Variants in TNRC6C observed in about 807,000 individuals in gnomAD.
TNRC6C encodes the protein trinucleotide repeat containing adaptor 6C.
Under a neutral mutation model 153.7 loss-of-function variants are expected in TNRC6C, and 20 were observed. The ratio of observed to expected loss-of-function variants is 0.13; its 90% CI spans 0.09 to 0.19. The LOEUF is 0.19. TNRC6C is among the 10% of genes least tolerant of loss of function. TNRC6C has a pLI of 1.00. For synonymous variants in TNRC6C, 811 were observed against 841.4 expected, an observed-to-expected ratio of 0.96 and a Z score of 0.63; for missense variants, 1,987 against 2,172.0, an observed-to-expected ratio of 0.91 and a Z score of 1.69.
chr17:78,079,530 C>T lies in TNRC6C; in HGVS notation c.3346C>T (p.Leu1116=). 6.2e-7 allele frequency: 1 copy of T among 1,613,884 alleles called. No individual in the cohort carries two copies. Among genetic ancestry groups the T allele is most frequent in the Non-Finnish European group, 8.5e-7 (1 of 1,179,874 alleles). The stretch of plus-strand genomic sequence containing the variant: ...TCTCCGTGCTCAAGTGCCTCAGTTT[C>T]TATCCCCTCAGGTCAGACCCACATC... The change falls in exon 10 of 20, where the codon CTA becomes TTA. Residue 1116 remains leucine, a synonymous_variant. Coordinates refer to ENST00000301624, the Ensembl canonical transcript of TNRC6C. This position sits in a 1 kb window ranked among gnomAD's most constrained non-coding sequence, Gnocchi z 4.3.
intron 13 of TNRC6C, 138 bp from the exon 16 acceptor site, chr17:78,091,302 G>A: frequency 1.0e-6 from 1 of 977,374 alleles, no homozygotes; most frequent in East Asian, 3.3e-5. Context: ...CTCCAGCCTG[G>A]GCATCAAGAG....
chr17:78,017,506 G>C (rs1177006263), intron 1 of TNRC6C, among the ~76,000 whole-genome samples: 1 of 152,230 alleles, frequency 6.6e-6, no homozygotes, highest in African/African-American at 2.4e-5. Flanking sequence ...TGAAGTGCTT[G>C]TTGAGCTTAG....
intron 3 of TNRC6C, among the ~76,000 whole-genome samples, chr17:78,057,566 G>T (rs1170437355): frequency 2.0e-5 from 3 of 152,212 alleles, no homozygotes; most frequent in Non-Finnish European, 2.9e-5. Context: ...GGGCCGTGCT[G>T]CCCACTGGCT....
intron 1 of TNRC6C, among the ~76,000 whole-genome samples, chr17:77,981,703 G>A (rs555998980): frequency 5.9e-5 from 9 of 152,274 alleles, no homozygotes; most frequent in African/African-American, 1.9e-4. Context: ...ACTTCAACCT[G>A]TGGGTCAAAT....
chr17:77,990,602 C>T (rs2071235831), intron 1 of TNRC6C, among the ~76,000 whole-genome samples: 1 of 152,182 alleles, frequency 6.6e-6, no homozygotes, highest in African/African-American at 2.4e-5. Context: ...CCTGACCAGC[C>T]AGAATCCTTC....
chr17:78,056,189 A>G (rs945374407), intron 3 of TNRC6C, among the ~76,000 whole-genome samples: 2 of 143,974 alleles, frequency 1.4e-5, no homozygotes, highest in African/African-American at 5.2e-5. Context: ...GCAGAGTCTT[A>G]CTCTGTTGCC....
chr17:78,070,685 T>C (rs1411527014), intron 5 of TNRC6C, among the ~76,000 whole-genome samples: 1 of 152,212 alleles, frequency 6.6e-6, no homozygotes, highest in African/African-American at 2.4e-5. Context: ...CCCCTCATTT[T>C]ATCATTTTTC....
intron 11 of TNRC6C, among the ~76,000 whole-genome samples, chr17:78,085,388 C>T (rs2073261888): frequency 6.6e-6 from 1 of 152,062 alleles, no homozygotes; most frequent in Non-Finnish European, 1.5e-5. Context: ...AAGTTTTAGG[C>T]CTATAAGGAT....
intron 1 of TNRC6C, among the ~76,000 whole-genome samples, chr17:78,006,919 C>G (rs1598675435): frequency 6.6e-6 from 1 of 151,608 alleles, no homozygotes; most frequent in Non-Finnish European, 1.5e-5. Context: ...ACCTCCACCC[C>G]TCAGGTTCAA....
intron 16 of TNRC6C, among the ~76,000 whole-genome samples, 167 bp downstream of exon 19, chr17:78,098,028 C>T (rs942296545): frequency 9.9e-5 from 15 of 152,218 alleles, no homozygotes; most frequent in African/African-American, 3.1e-4. Context: ...ACAGTGGGCA[C>T]GCTGGGCACA....
intron 1 of TNRC6C, among the ~76,000 whole-genome samples, chr17:78,019,820 C>T (rs1024331789): frequency 6.6e-6 from 1 of 152,162 alleles, no homozygotes; most frequent in Non-Finnish European, 1.5e-5. Context: ...GAGTCCTTAT[C>T]TGTGAGGTAT....
At chr17:78,036,579 A>G (rs180830990) in intron 2 of TNRC6C, among the ~76,000 whole-genome samples, 1 of 152,294 alleles carries the variant, frequency 6.6e-6, no homozygotes, top group East Asian at 1.9e-4. Flanking sequence ...AATAGATAAA[A>G]TGTATATTTA....
At chr17:78,004,396 C>T (rs957788664), upstream of TNRC6C, 9 of 1,064,068 alleles carry the variant, frequency 8.5e-6, no homozygotes, top group African/African-American at 9.8e-5. Flanking sequence ...CTATAATTAG[C>T]GAATAATAGA....
chr17:78,042,828 CAGT>C (rs956772087), intron 2 of TNRC6C, among the ~76,000 whole-genome samples: 10 of 150,900 alleles, frequency 6.6e-5, no homozygotes, highest in African/African-American at 2.2e-4. Context: ...ATGGTCGTAA[CAGT>C]GGTGATGGTG....
At chr17:78,000,078 A>G (rs981661037), upstream of TNRC6C, among the ~76,000 whole-genome samples, 14 of 152,194 alleles carry the variant, frequency 9.2e-5, no homozygotes, top group African/African-American at 3.4e-4. Context: ...TTTGGCAATG[A>G]GTCGCCTTTT....
In TNRC6C at chr17:78,075,032, G is replaced by A; in HGVS notation, c.2918-104G>A. The A allele has an allele frequency of 1.4e-6, 2 of 1,390,102 alleles. No homozygotes were observed. Among genetic ancestry groups the A allele is most frequent in the Admixed American group, 2.1e-5 (1 of 47,174 alleles). The allele number at this position is 1,390,102 out of a possible 1,614,324, so 86.1% of individuals were successfully genotyped here. A position where few individuals can be genotyped will look rare whatever the true frequency, so the allele number is the denominator to read the frequency against. On this transcript the variant is annotated intron_variant, in intron 7 of 19. Coordinates refer to ENST00000301624, the Ensembl canonical transcript of TNRC6C. The surrounding 1 kb of genome is among the most constrained non-coding windows in gnomAD (Gnocchi z 4.2). ...CCCCTGGCTTCCCTGTGTTTGAAGG[G>A]GTGGAGGGTCTCCATCCCTCCTTGA...
At chr17:78,062,831 C>A (rs560184630) in intron 3 of TNRC6C, among the ~76,000 whole-genome samples, 2 of 152,166 alleles carry the variant, frequency 1.3e-5, no homozygotes, top group Non-Finnish European at 2.9e-5. Flanking sequence ...TAACTTAGGA[C>A]TTCCCAAAAA....
At chr17:78,070,024 A>G (rs1481729038) in intron 5 of TNRC6C, among the ~76,000 whole-genome samples, 1 of 152,204 alleles carries the variant, frequency 6.6e-6, no homozygotes, top group Non-Finnish European at 1.5e-5. Flanking sequence ...ATACTTTTGA[A>G]TCGTGTGAAT....
At chr17:77,995,371 C>T (rs1300407162) in intron 1 of TNRC6C, among the ~76,000 whole-genome samples, 1 of 151,950 alleles carries the variant, frequency 6.6e-6, no homozygotes, top group Admixed American at 6.5e-5. Context: ...GAACTCTTCT[C>T]CTGCTATGTC....
Sources: gnomAD v4.1 joint callset for allele counts (sites outside exome capture counted in the v4.1 genomes callset) on GRCh38, gnomAD v4.1.1 for gene constraint, Gnocchi (gnomAD v3.1) non-coding constraint, MANE v1.5 for transcripts, NCBI Gene and HGNC (gene_info 2026-07-23, HGNC 2026-07-21) for gene names.